The following GRIK3 variants were observed in gnomAD, a reference collection of about 807,000 sequenced individuals.
GRIK3 encodes glutamate ionotropic receptor kainate type subunit 3, also known as glutamate receptor ionotropic, kainate 3.
In GRIK3, 29 loss-of-function variants were observed where a neutral mutation model predicts 102.5. The ratio of observed to expected loss-of-function variants is 0.28; its 90% CI spans 0.21 to 0.39. The LOEUF is 0.39. Among genes scored for constraint, GRIK3 ranks in the 10% least tolerant of loss-of-function variants. The pLI, the probability that GRIK3 is intolerant of heterozygous loss-of-function variation, is 1.00. For synonymous variants in GRIK3, 511 were observed against 504.9 expected (o/e 1.01, Z -0.16); for missense variants, 908 against 1,252.4 (o/e 0.73, Z 4.15).
chr1:36,886,350 A>G (rs912825066), intron 2 of GRIK3, among the ~76,000 whole-genome samples: 2 of 152,172 alleles, frequency 1.3e-5, no homozygotes, highest in African/African-American at 4.8e-5. Flanking sequence ...CTGTCTAGGG[A>G]AAATGAATTA....
At position 36,805,561 on chromosome 1, in the gene GRIK3, C is replaced by T. The variant is rs79099190; in HGVS notation, c.2315-324G>A. ...CTCTGGGAACTGTCCCCAAACCTCG[C>T]GTCTGTCCCAGCTCTCATTGCTCAG... On this transcript the variant is annotated intron_variant, in intron 14 of 15. Coordinates refer to ENST00000373091, the MANE Select transcript of GRIK3 (RefSeq NM_000831.4). Among the ~76,000 whole-genome samples the T allele has an allele frequency of 4.3e-3, 658 of 152,280 alleles. 4 individuals are homozygous for T. Among genetic ancestry groups the T allele is most frequent in the African/African-American group, 0.013 (556 of 41,548 alleles).
chr1:36,826,807 C>T (rs563284533), intron 10 of GRIK3, among the ~76,000 whole-genome samples: 76 of 152,054 alleles, frequency 5.0e-4, no homozygotes, highest in Non-Finnish European at 7.5e-4. Flanking sequence ...AATTTTAGCC[C>T]ATCACAATTT....
intron 1 of GRIK3, among the ~76,000 whole-genome samples, chr1:36,992,781 C>A (rs889225409): frequency 3.3e-5 from 5 of 152,138 alleles, no homozygotes; most frequent in Non-Finnish European, 5.9e-5. Context: ...CTCAGCAGAT[C>A]CTCACGACTC....
chr1:36,807,175 C>T (rs1329976773), intron 13 of GRIK3, among the ~76,000 whole-genome samples: 1 of 152,066 alleles, frequency 6.6e-6, no homozygotes. Context: ...AATCAGAATC[C>T]CTAAGACCAG....
intron 1 of GRIK3, among the ~76,000 whole-genome samples, chr1:36,982,028 G>C (rs1642255319): frequency 1.3e-5 from 2 of 152,122 alleles, no homozygotes; most frequent in African/African-American, 4.8e-5. Flanking sequence ...TCCTCCCCAG[G>C]CACCCAGCGC....
intron 1 of GRIK3, among the ~76,000 whole-genome samples, chr1:37,020,124 C>G (rs1642694483): frequency 6.6e-6 from 1 of 152,202 alleles, no homozygotes; most frequent in Non-Finnish European, 1.5e-5. Context: ...TCTCCATACC[C>G]CAGTGATGGA....
intron 11 of GRIK3, among the ~76,000 whole-genome samples, chr1:36,821,654 C>T (rs1002341017): frequency 2.6e-5 from 4 of 152,212 alleles, no homozygotes; most frequent in Non-Finnish European, 4.4e-5. Context: ...CAGATCCAGC[C>T]CAGGCCGACT....
intron 1 of GRIK3, among the ~76,000 whole-genome samples, chr1:36,999,720 G>A (rs546033561): frequency 6.6e-6 from 1 of 152,270 alleles, no homozygotes; most frequent in Admixed American, 6.5e-5. Context: ...CCTTGTGGGG[G>A]TGACATATCC....
At chr1:37,009,821 G>A (rs1436456061) in intron 1 of GRIK3, among the ~76,000 whole-genome samples, 1 of 152,188 alleles carries the variant, frequency 6.6e-6, no homozygotes, top group Non-Finnish European at 1.5e-5. Flanking sequence ...TCGTGGTAAT[G>A]AGGAAAAATG....
At chr1:37,001,883 C>A (rs571866681) in intron 1 of GRIK3, among the ~76,000 whole-genome samples, 1 of 143,190 alleles carries the variant, frequency 7.0e-6, no homozygotes, top group East Asian at 1.9e-4. Flanking sequence ...AGTCTTACCA[C>A]TGGGGACCTC....
At chr1:36,883,805 G>T (rs982596153) in intron 2 of GRIK3, among the ~76,000 whole-genome samples, 1 of 152,210 alleles carries the variant, frequency 6.6e-6, no homozygotes, top group African/African-American at 2.4e-5. Flanking sequence ...GAGGTACAGG[G>T]TAGTTTTGAA....
At chr1:36,984,475 A>G (rs1181680741) in intron 1 of GRIK3, among the ~76,000 whole-genome samples, 1 of 152,210 alleles carries the variant, frequency 6.6e-6, no homozygotes, top group African/African-American at 2.4e-5. Flanking sequence ...GCAGCCAGAG[A>G]TCCTCCTCCA....
At chr1:36,835,503 C>G (rs138469872) in intron 10 of GRIK3, among the ~76,000 whole-genome samples, 105 of 152,352 alleles carry the variant, frequency 6.9e-4, no homozygotes, top group African/African-American at 2.4e-3. Flanking sequence ...CTCAATAACA[C>G]ATCCTTGTGT....
At position 36,850,065 on chromosome 1, in the gene GRIK3, C is replaced by G. The variant is rs1277915529; in HGVS notation, c.1326+246G>C. 1 of 494,830 alleles carries G rather than the reference C, an allele frequency of 2.0e-6. No homozygotes were observed. The highest frequency in any genetic ancestry group is 1.9e-5 in the African/African-American group (1 of 51,492). The allele number at this position is 494,830 out of a possible 1,614,324, so 30.7% of individuals were successfully genotyped here. ...TCCACCATCCAGCATGGTTCCTACT[C>G]AGACATCAAGGACTTGGGGAGTGAG... On this transcript the variant is annotated intron_variant, in intron 9 of 15. Transcript: ENST00000373091. This position sits in a 1 kb window ranked among gnomAD's most constrained non-coding sequence, Gnocchi z 4.0.
At position 36,910,990 on chromosome 1, in the gene GRIK3, G is replaced by A. The variant is rs564071228; in HGVS notation, c.116-19894C>T. 2.0e-5 allele frequency among the ~76,000 whole-genome samples: 3 copies of A among 152,260 alleles called. No individual in the cohort carries two copies. In the East Asian group the frequency reaches 5.8e-4, roughly 29 times the overall value. Reference sequence around the variant, plus strand: ...AGACTCAGAGGAGAGGGCATCTTGCGGACGTCTTCATGGGGGAGGCAGCAC... The same window carrying A: ...AGACTCAGAGGAGAGGGCATCTTGCAGACGTCTTCATGGGGGAGGCAGCAC... On this transcript the variant is annotated intron_variant, in intron 1 of 15. Transcript: ENST00000373091.
chr1:36,858,809 C>A (rs999312173), intron 7 of GRIK3, among the ~76,000 whole-genome samples: 1 of 152,166 alleles, frequency 6.6e-6, no homozygotes, highest in African/African-American at 2.4e-5. Flanking sequence ...GGTCATACAG[C>A]GAGGAAGCAA....
chr1:36,804,796 G>A, intron 15 of GRIK3, 191 bp downstream of exon 15: 1 of 694,556 alleles, frequency 1.4e-6, no homozygotes, highest in South Asian at 1.9e-5. Flanking sequence ...CCTGGGGTGG[G>A]GCAACGGCGA....
Position 36,859,114 on chromosome 1 carries a change from G to A in GRIK3, c.1098C>T (p.Ile366=). ...GGGGCTGTGGGGCACTCACCTCCTT[G>A]ATGAAGTTCATGAAGCGGCCGCCAA... ...WRFGGRFMNF[I]KEAQWEGLTG... Residue 366 remains isoleucine, a synonymous_variant, in exon 7 of 16, where the codon ATC becomes ATT. Coordinates refer to ENST00000373091, the MANE Select transcript of GRIK3 (RefSeq NM_000831.4). The A allele has an allele frequency of 5.6e-6, 9 of 1,608,260 alleles. No homozygotes were observed. Among genetic ancestry groups the A allele is most frequent in the Non-Finnish European group, 7.7e-6 (9 of 1,175,714 alleles).
At chr1:36,885,764 C>T (rs1251644384) in intron 2 of GRIK3, among the ~76,000 whole-genome samples, 1 of 152,188 alleles carries the variant, frequency 6.6e-6, no homozygotes, top group Non-Finnish European at 1.5e-5. Context: ...GTTTCCAGGG[C>T]AGCAGCCAAC....
Sources: gnomAD v4.1 joint callset for allele counts (sites outside exome capture counted in the v4.1 genomes callset) on GRCh38, gnomAD v4.1.1 for gene constraint, Gnocchi (gnomAD v3.1) non-coding constraint, MANE v1.5 for transcripts, NCBI Gene and HGNC (gene_info 2026-07-23, HGNC 2026-07-21) for gene names.